The following ATP8A2 variants were observed in gnomAD, a reference collection of about 807,000 sequenced individuals.
ATP8A2 encodes ATPase phospholipid transporting 8A2, also known as phospholipid-transporting ATPase IB.
ATP8A2 carries 100 observed loss-of-function variants against 165.6 expected under a neutral mutation model. The observed-to-expected ratio is 0.60, with a 90% CI of 0.51 to 0.71. ATP8A2 has a LOEUF of 0.71. ATP8A2 is among the 30% of genes least tolerant of loss of function. The pLI is 0.00. For missense variants in ATP8A2, 1,227 were observed against 1,479.5 expected (o/e 0.83, Z 2.80); for synonymous variants, 543 against 548.8 (o/e 0.99, Z 0.15).
At chr13:25,528,765 CA>C (rs1339378643) in intron 2 of ATP8A2, among the ~76,000 whole-genome samples, 21 of 81,886 alleles carry the variant, frequency 2.6e-4, no homozygotes, top group African/African-American at 5.7e-4. Context: ...ACATATGCAA[CA>C]TGTGTATGCA....
At chr13:25,418,865 T>C (rs1336206246) in intron 1 of ATP8A2, among the ~76,000 whole-genome samples, 1 of 152,200 alleles carries the variant, frequency 6.6e-6, no homozygotes, top group South Asian at 2.1e-4. Flanking sequence ...AACAGTCAGT[T>C]TGTAAGAGGG....
intron 1 of ATP8A2, among the ~76,000 whole-genome samples, chr13:25,463,515 G>A (rs909901404): frequency 6.6e-6 from 1 of 151,958 alleles, no homozygotes; most frequent in Non-Finnish European, 1.5e-5. Flanking sequence ...CATCTCCATG[G>A]AATTTGTTTA....
At chr13:25,813,361 G>A (rs1171417150) in intron 27 of ATP8A2, among the ~76,000 whole-genome samples, 3 of 136,552 alleles carry the variant, frequency 2.2e-5, no homozygotes, top group Non-Finnish European at 4.8e-5. Context: ...GGAGAGACAG[G>A]CAAGCCAGCC....
intron 28 of ATP8A2, among the ~76,000 whole-genome samples, chr13:25,836,886 G>A (rs144666682): frequency 9.7e-4 from 148 of 152,302 alleles, no homozygotes; most frequent in African/African-American, 3.4e-3. Flanking sequence ...ATCAGTCTTC[G>A]TTTTACAAAG....
chr13:25,577,509 G>T (rs2039651716), intron 20 of ATP8A2, among the ~76,000 whole-genome samples: 1 of 152,008 alleles, frequency 6.6e-6, no homozygotes, highest in Admixed American at 6.6e-5. Flanking sequence ...GATATATATT[G>T]GTTCTCTAGC....
intron 30 of ATP8A2, among the ~76,000 whole-genome samples, chr13:25,844,715 G>T (rs1379612544): frequency 6.6e-6 from 1 of 152,074 alleles, no homozygotes; most frequent in African/African-American, 2.4e-5. Flanking sequence ...CCCTCAGATG[G>T]CCACCCACAC....
At chr13:25,667,876 T>C (rs1057285268) in intron 24 of ATP8A2, among the ~76,000 whole-genome samples, 1 of 152,210 alleles carries the variant, frequency 6.6e-6, no homozygotes, top group Non-Finnish European at 1.5e-5. Flanking sequence ...ACAATTAATA[T>C]TGCAAGTTTA....
chr13:25,895,211 C>T (rs1183550254), intron 33 of ATP8A2, among the ~76,000 whole-genome samples: 1 of 152,166 alleles, frequency 6.6e-6, no homozygotes, highest in Non-Finnish European at 1.5e-5. Flanking sequence ...TATGTCCCAT[C>T]AATACCTAAT....
intron 34 of ATP8A2, among the ~76,000 whole-genome samples, chr13:25,962,060 A>G (rs552586434): frequency 9.8e-5 from 15 of 152,304 alleles, no homozygotes; most frequent in Middle Eastern, 6.8e-3. Flanking sequence ...GAAAAAATAC[A>G]GACACAAAGG....
intron 27 of ATP8A2, among the ~76,000 whole-genome samples, chr13:25,788,140 G>C (rs1156472493): frequency 6.6e-6 from 1 of 152,190 alleles, no homozygotes; most frequent in African/African-American, 2.4e-5. Context: ...TGCACCTCCT[G>C]ACCCATCTCA....
chr13:25,576,940 G>GC, intron 19 of ATP8A2, 129 bp from the exon 20 acceptor site: 1 of 694,256 alleles, frequency 1.4e-6, no homozygotes, highest in Non-Finnish European at 2.5e-6. Context: ...TGAAGAAAAA[G>GC]GCAGGGAAAG....
intron 25 of ATP8A2, among the ~76,000 whole-genome samples, chr13:25,710,617 G>C (rs1295373872): frequency 1.3e-5 from 2 of 152,184 alleles, no homozygotes; most frequent in Non-Finnish European, 2.9e-5. Flanking sequence ...GCTGTTCACT[G>C]TGACCCAACT....
intron 27 of ATP8A2, among the ~76,000 whole-genome samples, chr13:25,806,529 G>A (rs944934570): frequency 6.6e-6 from 1 of 151,936 alleles, no homozygotes; most frequent in Non-Finnish European, 1.5e-5. Flanking sequence ...TCTGTGGCAC[G>A]GCCTTCAACT....
At chr13:25,547,401 C>G (rs1157406865) in intron 10 of ATP8A2, among the ~76,000 whole-genome samples, 2 of 152,004 alleles carry the variant, frequency 1.3e-5, no homozygotes, top group East Asian at 3.9e-4. Flanking sequence ...GCATTAGATT[C>G]TCATAGGAGC....
intron 33 of ATP8A2, among the ~76,000 whole-genome samples, chr13:25,867,245 CAG>C (rs1448965484): frequency 6.7e-6 from 1 of 150,300 alleles, no homozygotes; most frequent in Admixed American, 6.7e-5. Context: ...TGTAAGTAAA[CAG>C]AGGGAGGAAT....
intron 1 of ATP8A2, among the ~76,000 whole-genome samples, chr13:25,400,080 G>A (rs577075471): frequency 4.7e-4 from 35 of 75,146 alleles, no homozygotes; most frequent in African/African-American, 1.6e-3. Context: ...ACACTGCCAC[G>A]CCCAGCTAAT....
At chr13:25,535,780 A>C (rs1427882388) in intron 6 of ATP8A2, among the ~76,000 whole-genome samples, 1 of 152,060 alleles carries the variant, frequency 6.6e-6, no homozygotes, top group Non-Finnish European at 1.5e-5. Context: ...GCACCACTGC[A>C]CTCTAGCCTG....
chr13:25,959,731 G>A (rs1955613384), intron 33 of ATP8A2, among the ~76,000 whole-genome samples: 1 of 152,176 alleles, frequency 6.6e-6, no homozygotes, highest in Admixed American at 6.5e-5. Flanking sequence ...TTGCTTGCAT[G>A]GAAATCCGTT....
At chr13:25,375,902 A>C (rs2032607805) in intron 1 of ATP8A2, among the ~76,000 whole-genome samples, 1 of 152,070 alleles carries the variant, frequency 6.6e-6, no homozygotes, top group Non-Finnish European at 1.5e-5. Context: ...CTGCCCCTGG[A>C]GCCCTCCTCT....
Sources: gnomAD v4.1 joint callset for allele counts (sites outside exome capture counted in the v4.1 genomes callset) on GRCh38, gnomAD v4.1.1 for gene constraint, MANE v1.5 for transcripts, NCBI Gene and HGNC (gene_info 2026-07-23, HGNC 2026-07-21) for gene names.